PLCB4: variants seen among roughly 807,000 people sequenced by gnomAD.
PLCB4 encodes phospholipase C beta 4, also known as 1-phosphatidylinositol 4,5-bisphosphate phosphodiesterase beta-4.
In PLCB4, 77 loss-of-function variants were observed where a neutral mutation model predicts 178.8. The observed-to-expected ratio is 0.43, with a 90% CI of 0.36 to 0.52. The LOEUF is 0.52. Among genes scored for constraint, PLCB4 ranks in the 20% least tolerant of loss-of-function variants. PLCB4 has a pLI of 0.00. For missense variants in PLCB4, 1,024 were observed against 1,453.4 expected (o/e 0.70, Z 4.80); for synonymous variants, 496 against 490.8 (o/e 1.01, Z -0.14).
intron 3 of PLCB4, among the ~76,000 whole-genome samples, chr20:9,275,209 T>C (rs2147648523): frequency 6.6e-6 from 1 of 151,854 alleles, no homozygotes; most frequent in Admixed American, 6.6e-5. Flanking sequence ...AAGGCACTTC[T>C]TACATGGAAG....
chr20:9,117,985 C>T (rs1357004759), intron 2 of PLCB4, among the ~76,000 whole-genome samples: 1 of 151,592 alleles, frequency 6.6e-6, no homozygotes, highest in East Asian at 1.9e-4. Context: ...TCTTTGTTTA[C>T]CATTGGCTTC....
At chr20:9,256,876 T>C (rs2094241824) in intron 3 of PLCB4, among the ~76,000 whole-genome samples, 1 of 152,236 alleles carries the variant, frequency 6.6e-6, no homozygotes, top group South Asian at 2.1e-4. Flanking sequence ...TTTGTTTACA[T>C]GTGACTCTAG....
At chr20:9,420,004 A>G in intron 26 of PLCB4, 95 bp downstream of exon 26, 1 of 740,030 alleles carries the variant, frequency 1.4e-6, no homozygotes, top group Non-Finnish European at 2.3e-6. Flanking sequence ...TGCAAGATCC[A>G]TGTGCTGCTC....
intron 8 of PLCB4, 35 bp from the exon 9 acceptor site, chr20:9,365,426 A>G (rs749811888): frequency 1.4e-6 from 2 of 1,432,636 alleles, no homozygotes; most frequent in African/African-American, 1.4e-5. Flanking sequence ...CCCTCTAAGA[A>G]ACATTAAGGC....
chr20:9,406,257 G>A (rs1025623998), intron 21 of PLCB4, among the ~76,000 whole-genome samples: 1 of 152,030 alleles, frequency 6.6e-6, no homozygotes. Flanking sequence ...AACTCATCCT[G>A]GTGCTCAGCT....
intron 28 of PLCB4, among the ~76,000 whole-genome samples, chr20:9,424,346 T>C (rs1202935158): frequency 1.3e-5 from 2 of 152,202 alleles, no homozygotes; most frequent in Non-Finnish European, 2.9e-5. Flanking sequence ...GCTATCAACA[T>C]GCCTGAATTT....
At chr20:9,471,063 CAAAGA>C (rs1319994696) in intron 36 of PLCB4, among the ~76,000 whole-genome samples, 1 of 151,914 alleles carries the variant, frequency 6.6e-6, no homozygotes, top group Non-Finnish European at 1.5e-5. Flanking sequence ...ATTTTTAGAT[CAAAGA>C]AGACATTTTA....
At chr20:9,422,212 T>G (rs1478404786) in intron 27 of PLCB4, among the ~76,000 whole-genome samples, 1 of 152,218 alleles carries the variant, frequency 6.6e-6, no homozygotes, top group African/African-American at 2.4e-5. Context: ...TCTGCTCCAT[T>G]TGTACATCAT....
At chr20:9,279,514 A>G (rs1036754479) in intron 3 of PLCB4, among the ~76,000 whole-genome samples, 3 of 152,018 alleles carry the variant, frequency 2.0e-5, no homozygotes, top group Non-Finnish European at 4.4e-5. Flanking sequence ...TAGAAGATTC[A>G]TTTTAGCCAG....
chr20:9,434,377 T>A (rs1395422602), intron 28 of PLCB4, among the ~76,000 whole-genome samples: 4 of 152,162 alleles, frequency 2.6e-5, no homozygotes, highest in Non-Finnish European at 5.9e-5. Flanking sequence ...TTTATTTGTT[T>A]ATTATTATTT....
chr20:9,404,079 T>C (rs2039247392), intron 20 of PLCB4, among the ~76,000 whole-genome samples: 10 of 152,204 alleles, frequency 6.6e-5, no homozygotes. Flanking sequence ...GGGAGTGTTT[T>C]CTTTTTCGGA....
chr20:9,346,799 G>A (rs557392695), intron 7 of PLCB4, among the ~76,000 whole-genome samples: 1 of 152,204 alleles, frequency 6.6e-6, no homozygotes, highest in East Asian at 1.9e-4. Flanking sequence ...AAGGATAATG[G>A]GTTTTATTGT....
chr20:9,249,178 A>G (rs1446128130), intron 3 of PLCB4, among the ~76,000 whole-genome samples: 1 of 151,744 alleles, frequency 6.6e-6, no homozygotes, highest in African/African-American at 2.4e-5. Context: ...TTTTAAGGTC[A>G]GTTGATTCAG....
intron 2 of PLCB4, among the ~76,000 whole-genome samples, chr20:9,197,071 T>C (rs1289413976): frequency 6.6e-6 from 1 of 152,208 alleles, no homozygotes; most frequent in Non-Finnish European, 1.5e-5. Context: ...CTTGGCACAT[T>C]AATGGGTGAA....
chr20:9,357,093 G>A (rs989494280), intron 7 of PLCB4, among the ~76,000 whole-genome samples: 5 of 152,090 alleles, frequency 3.3e-5, no homozygotes, highest in Non-Finnish European at 5.9e-5. Flanking sequence ...CTCCAGCCTG[G>A]GCAACAGAAC....
Position 9,423,922 on chromosome 20 carries a change from C to T in PLCB4, c.2494C>T (p.Leu832Phe). Reference sequence around the variant, plus strand: ...ACCAACAATTTTCTGCAATATTGTTCTTAAAACATATGTGCCTGATGGATT... The same window carrying T: ...ACCAACAATTTTCTGCAATATTGTTTTTAAAACATATGTGCCTGATGGATT... ...SLPTIFCNIV[L>F]KTYVPDGFGD... Residue 832 changes from leucine (L) to phenylalanine (F), a missense_variant, in exon 28 of 40, where the codon CTT becomes TTT. Leu to Phe is a conservative substitution (Grantham distance 22). Around this residue, in one of 7 missense-constraint regions of PLCB4, gnomAD observed 227 missense variants for 374.3 expected, o/e 0.61. Coordinates refer to ENST00000378473, the MANE Select transcript of PLCB4 (RefSeq NM_001377142.1). 1 of 1,610,946 alleles carries T rather than the reference C, an allele frequency of 6.2e-7. No homozygotes were observed. The highest frequency in any genetic ancestry group is 8.5e-7 in the Non-Finnish European group (1 of 1,177,376).
At chr20:9,451,573 T>C (rs1432087351) in intron 32 of PLCB4, among the ~76,000 whole-genome samples, 1 of 152,148 alleles carries the variant, frequency 6.6e-6, no homozygotes, top group East Asian at 1.9e-4. Flanking sequence ...ACAAGAGTAG[T>C]TAAATACATT....
At chr20:9,277,336 A>G (rs2094458764) in intron 3 of PLCB4, among the ~76,000 whole-genome samples, 1 of 152,094 alleles carries the variant, frequency 6.6e-6, no homozygotes, top group South Asian at 2.1e-4. Context: ...GGAAAAGCGA[A>G]CTTTGCTGTT....
At chr20:9,206,922 G>A (rs529904018) in intron 2 of PLCB4, among the ~76,000 whole-genome samples, 6 of 152,112 alleles carry the variant, frequency 3.9e-5, no homozygotes, top group Admixed American at 2.6e-4. Flanking sequence ...TTCGAGACCA[G>A]CTTAGCCAAT....
Sources: allele counts gnomAD v4.1 joint callset (sites outside exome capture counted in the v4.1 genomes callset), GRCh38; gene constraint gnomAD v4.1.1; regional missense constraint gnomAD v4.1.1; transcripts MANE v1.5; gene names NCBI Gene and HGNC (gene_info 2026-07-23, HGNC 2026-07-21).